Variants in PCGF3 observed in about 807,000 individuals in gnomAD.
PCGF3 encodes the protein polycomb group ring finger 3.
Under a neutral mutation model 33.1 loss-of-function variants are expected in PCGF3, and 7 were observed. The observed-to-expected ratio is 0.21, with a 90% CI of 0.12 to 0.40. The LOEUF (loss-of-function observed/expected upper bound fraction) is 0.40. PCGF3 is among the 10% of genes least tolerant of loss of function. PCGF3 has a pLI of 1.00. For missense variants in PCGF3, 211 were observed against 313.3 expected, an observed-to-expected ratio of 0.67 and a Z score of 2.46; for synonymous variants, 153 against 121.3, an observed-to-expected ratio of 1.26 and a Z score of -1.72.
chr4:727,920 G>T (rs553815696), intron 1 of PCGF3, among the ~76,000 whole-genome samples: 1 of 152,170 alleles, frequency 6.6e-6, no homozygotes, highest in East Asian at 1.9e-4. Flanking sequence ...TGCCCTGAGC[G>T]TCTGGTGAAA....
rs1334416985 is a variant in PCGF3, at chr4:734,743, CCTT to C, written c.110-185_110-183del. The C allele has an allele frequency of 8.0e-6, 11 of 1,376,458 alleles. No homozygotes were observed. The African/African-American group carries it at 1.0e-4, about 13-fold the overall frequency. The allele number at this position is 1,376,458 out of a possible 1,614,324, so 85.3% of individuals were successfully genotyped here. On this transcript the variant is annotated intron_variant, in intron 4 of 10. Transcript: ENST00000362003. ...AAGCCCATTGACGGGGCAATTAAAA[CCTT>C]CTCATTGCTCCTGAGACCAGAACGG...
At chr4:754,730 G>A (rs1247865823) in intron 8 of PCGF3, among the ~76,000 whole-genome samples, 1 of 152,176 alleles carries the variant, frequency 6.6e-6, no homozygotes, top group Non-Finnish European at 1.5e-5. Context: ...GGTGTGCTGT[G>A]GGATGCAGCC....
chr4:715,279 C>CTG (rs1442732441), intron 1 of PCGF3, among the ~76,000 whole-genome samples: 3 of 138,134 alleles, frequency 2.2e-5, no homozygotes, highest in Non-Finnish European at 1.6e-5. Context: ...CCTGTAGACA[C>CTG]TCAATGTGAG....
intron 9 of PCGF3, chr4:762,018 C>G (rs1197467148): frequency 1.0e-6 from 1 of 985,088 alleles, no homozygotes; most frequent in Non-Finnish European, 1.2e-6. Context: ...GAGGCCAGCG[C>G]CAGGAGTTGC....
At chr4:734,096 CAAATCTCCAGAGGAGTTCCTT>C in intron 4 of PCGF3, 1 of 1,550,658 alleles carries the variant, frequency 6.4e-7, no homozygotes, top group Non-Finnish European at 8.7e-7. Flanking sequence ...TGGCAGTTTC[CAAATCTCCAGAGGAGTTCCTT>C]AGATCCTTCA....
In PCGF3 at chr4:736,818, A is replaced by G. The variant is rs57209516; in HGVS notation, c.207-648A>G. On this transcript the variant is annotated intron_variant, in intron 5 of 10. Transcript: ENST00000362003. ...GGAAACCTGGGGTGTCTGCAGGGAC[A>G]GTGTCGCGGGGAACCTGGGGTGTCT... is the stretch of plus-strand genomic sequence containing the variant. Among the ~76,000 whole-genome samples the G allele has an allele frequency of 6.0e-3, 488 of 81,462 alleles. 1 individual carries two copies. The highest frequency in any genetic ancestry group is 0.019 in the African/African-American group (375 of 19,772). The allele number at this position is 81,462 out of a possible 152,430, so 53.4% of individuals were successfully genotyped here.
intron 4 of PCGF3, chr4:734,462 T>C: frequency 2.4e-6 from 3 of 1,253,676 alleles, no homozygotes; most frequent in Non-Finnish European, 3.0e-6. Flanking sequence ...AAATAAAATA[T>C]TTGCCAATTT....
At chr4:730,564 C>A (rs546332904) in intron 1 of PCGF3, 66 bp from the exon 2 acceptor site, 2 of 155,008 alleles carry the variant, frequency 1.3e-5, no homozygotes, top group African/African-American at 4.8e-5. Flanking sequence ...GGCTTGGCAC[C>A]GCGGGTGGGG....
At position 721,542 on chromosome 4, in the gene PCGF3, C is replaced by A. The variant is rs1406000357; in HGVS notation, c.-189-9088C>A. On this transcript the variant is annotated intron_variant, in intron 1 of 10. Coordinates refer to ENST00000362003, the Ensembl canonical transcript of PCGF3. This position sits in a 1 kb window ranked among gnomAD's most constrained non-coding sequence, Gnocchi z 4.1. ...AGTCGGTGCCTTAGGAGGCTGCGGG[C>A]GAGGCGAGGGCAGAGTGCACTCGCT... 6.6e-6 allele frequency among the ~76,000 whole-genome samples: 1 copy of A among 151,992 alleles called. No individual in the cohort carries two copies. The highest frequency in any genetic ancestry group is 1.5e-5 in the Non-Finnish European group (1 of 67,970).
At chr4:738,146 A>G (rs1276584043) in intron 6 of PCGF3, among the ~76,000 whole-genome samples, 3 of 152,242 alleles carry the variant, frequency 2.0e-5, no homozygotes, top group Admixed American at 2.0e-4. Context: ...TATTCTGCTC[A>G]TCAGACCTTT....
chr4:710,744 AC>A, intron 1 of PCGF3, among the ~76,000 whole-genome samples: 1 of 152,012 alleles, frequency 6.6e-6, no homozygotes, highest in East Asian at 1.9e-4. Context: ...AAGCCAAAAG[AC>A]CCCCCCACAA....
chr4:718,577 C>T (rs1313289113), intron 1 of PCGF3, among the ~76,000 whole-genome samples: 1 of 152,278 alleles, frequency 6.6e-6, no homozygotes, highest in Non-Finnish European at 1.5e-5. Context: ...TCAGCCCTGT[C>T]CGTGTGAGTG....
intron 7 of PCGF3, 98 bp from the exon 8 acceptor site, chr4:744,502 G>GATTAA: frequency 2.2e-6 from 2 of 902,900 alleles, no homozygotes; most frequent in Non-Finnish European, 3.5e-6. Flanking sequence ...GTCTCTTAAT[G>GATTAA]GAGTGAATTT....
Position 720,762 on chromosome 4 carries a change from G to A in PCGF3, c.-189-9868G>A, listed in dbSNP as rs1406241001. 6.6e-6 allele frequency among the ~76,000 whole-genome samples: 1 copy of A among 152,242 alleles called. No homozygotes were observed. Among genetic ancestry groups the A allele is most frequent in the African/African-American group, 2.4e-5 (1 of 41,534 alleles). On this transcript the variant is annotated intron_variant, in intron 1 of 10. Transcript: ENST00000362003. The surrounding 1 kb of genome is among the most constrained non-coding windows in gnomAD (Gnocchi z 5.6). ...GACCCGGCGTGGACGCAGCCCCGACGTGAATGGATGTGGTTCCGACGTGAC... is the reference window on the plus strand; with the variant it reads ...GACCCGGCGTGGACGCAGCCCCGACATGAATGGATGTGGTTCCGACGTGAC...
intron 1 of PCGF3, among the ~76,000 whole-genome samples, chr4:707,502 C>CA (rs199710819): frequency 3.0e-5 from 3 of 100,798 alleles, no homozygotes; most frequent in African/African-American, 1.0e-4. Flanking sequence ...CCTGGGACAG[C>CA]CTGTTTTCAC....
At chr4:768,230 C>T (rs549675191) in exon 11 of PCGF3, 2 of 152,776 alleles carry the variant, frequency 1.3e-5, no homozygotes, top group African/African-American at 4.8e-5. Context: ...CAGCAGAAGT[C>T]CCTATTTTTC....
intron 8 of PCGF3, among the ~76,000 whole-genome samples, chr4:753,810 T>C (rs1247638746): frequency 2.6e-5 from 4 of 152,038 alleles, no homozygotes; most frequent in South Asian, 4.1e-4. Context: ...TAGCCGGGCA[T>C]GGTGGTGGGT....
chr4:767,966 AAG>A lies in PCGF3; in HGVS notation c.*1889_*1890del, dbSNP rs1234068395. 3 of 152,680 alleles carry A rather than the reference AAG, an allele frequency of 2.0e-5. No homozygotes were observed. The East Asian group carries it at 5.8e-4, about 29-fold the overall frequency. 9.5% of individuals were successfully genotyped at this position (152,680 alleles called of 1,614,324 possible). A position where few individuals can be genotyped will look rare whatever the true frequency, so the allele number is the denominator to read the frequency against. ...TAGGCATTTTCCTGTGTGGCGGAAT[AAG>A]AAAGGATTAAACAGTTACAAGCCTC... On this transcript the variant is annotated 3_prime_UTR_variant, in exon 11 of 11. Coordinates refer to ENST00000362003, the Ensembl canonical transcript of PCGF3.
At position 734,993 on chromosome 4, in the gene PCGF3, G is replaced by C. The variant is rs776201377; in HGVS notation, c.172G>C (p.Val58Leu). 11 of 1,613,488 alleles carry C rather than the reference G, an allele frequency of 6.8e-6. No individual in the cohort carries two copies. In the South Asian group the frequency reaches 1.2e-4, roughly 18 times the overall value. Residue 58 changes from valine to leucine, a missense_variant, in exon 5 of 11, where the codon GTG (valine) becomes CTG (leucine). By Grantham distance (32) the Val-to-Leu change is conservative. Transcript: ENST00000362003. ...CAACACCTGCCCCACCTGCAGGATT[G>C]TGATCCACCAGAGCCACCCCCTGCA... is the stretch of plus-strand genomic sequence containing the variant.
Sources: gnomAD v4.1 joint callset for allele counts (sites outside exome capture counted in the v4.1 genomes callset) on GRCh38, gnomAD v4.1.1 for gene constraint, Gnocchi (gnomAD v3.1) non-coding constraint, MANE v1.5 for transcripts, NCBI Gene and HGNC (gene_info 2026-07-23, HGNC 2026-07-21) for gene names.